CRPPA: variants seen among roughly 807,000 people sequenced by gnomAD.
The protein encoded by CRPPA is D-ribitol-5-phosphate cytidylyltransferase.
CRPPA carries 43 observed loss-of-function variants against 52.0 expected under a neutral mutation model. The observed-to-expected ratio is 0.83, with a 90% confidence interval of 0.65 to 1.07. The LOEUF (loss-of-function observed/expected upper bound fraction) is 1.07. Among genes scored for constraint, CRPPA ranks in the 50% least tolerant of loss-of-function variants. The pLI, the probability that CRPPA is intolerant of heterozygous loss-of-function variation, is 0.00. For missense variants in CRPPA, 629 were observed against 551.7 expected (o/e 1.14, Z -1.40); for synonymous variants, 250 against 203.5 (o/e 1.23, Z -1.94).
At chr7:16,166,819 C>T (rs1781075714) in intron 9 of CRPPA, among the ~76,000 whole-genome samples, 2 of 152,098 alleles carry the variant, frequency 1.3e-5, no homozygotes, top group African/African-American at 4.8e-5. Context: ...CTTCTGCCTA[C>T]CCCTTCACCC....
chr7:16,258,337 G>A, intron 8 of CRPPA, 53 bp downstream of exon 8: 1 of 1,122,424 alleles, frequency 8.9e-7, no homozygotes, highest in Non-Finnish European at 1.3e-6. Flanking sequence ...TGTACATTGA[G>A]TTACAAAGAA....
At chr7:16,336,572 A>AG (rs1306368342) in intron 3 of CRPPA, among the ~76,000 whole-genome samples, 3 of 138,694 alleles carry the variant, frequency 2.2e-5, no homozygotes, top group African/African-American at 8.0e-5. Context: ...AAAAAAAAAA[A>AG]GGAAAGAAGG....
intron 8 of CRPPA, among the ~76,000 whole-genome samples, chr7:16,242,100 A>T (rs901825973): frequency 2.0e-5 from 3 of 150,652 alleles, no homozygotes; most frequent in Non-Finnish European, 3.0e-5. Context: ...AACTACAGGC[A>T]CCCGCCACCA....
intron 9 of CRPPA, among the ~76,000 whole-genome samples, chr7:16,150,963 T>A (rs955208276): frequency 6.6e-6 from 1 of 152,194 alleles, no homozygotes; most frequent in Non-Finnish European, 1.5e-5. Flanking sequence ...TAATCACCTA[T>A]CATTAGGCTC....
At chr7:16,311,220 G>T (rs2214624) in intron 3 of CRPPA, among the ~76,000 whole-genome samples, 63,108 of 151,476 alleles carry the variant, frequency 0.42, 13,419 homozygotes, top group East Asian at 0.49. Flanking sequence ...TACGACCCAT[G>T]CATTGTATTA....
intron 9 of CRPPA, among the ~76,000 whole-genome samples, chr7:16,100,725 G>C (rs1782027386): frequency 6.6e-6 from 1 of 152,126 alleles, no homozygotes; most frequent in African/African-American, 2.4e-5. Context: ...TCCTTGTCTT[G>C]TGCCAGTTTT....
At chr7:16,175,404 AAAAT>A (rs531074707) in intron 9 of CRPPA, among the ~76,000 whole-genome samples, 38 of 152,268 alleles carry the variant, frequency 2.5e-4, no homozygotes, top group African/African-American at 9.1e-4. Context: ...ACTTGTTTTT[AAAAT>A]AAATAATCTT....
chr7:16,397,593 T>A (rs1169455790), intron 2 of CRPPA, among the ~76,000 whole-genome samples: 1 of 151,218 alleles, frequency 6.6e-6, no homozygotes, highest in Non-Finnish European at 1.5e-5. Flanking sequence ...ACGTGACAGA[T>A]TACTGACGTG....
intron 3 of CRPPA, among the ~76,000 whole-genome samples, chr7:16,335,856 T>A (rs1452311906): frequency 2.0e-5 from 3 of 152,114 alleles, no homozygotes; most frequent in Non-Finnish European, 4.4e-5. Context: ...AGAAACAATA[T>A]TCAAAGCAGT....
chr7:16,155,389 G>C (rs1783158483), intron 9 of CRPPA, among the ~76,000 whole-genome samples: 1 of 152,098 alleles, frequency 6.6e-6, no homozygotes, highest in Non-Finnish European at 1.5e-5. Flanking sequence ...TTAATTCATG[G>C]ACAACATAAG....
chr7:16,230,253 G>C (rs576514254), intron 8 of CRPPA, among the ~76,000 whole-genome samples: 51 of 152,200 alleles, frequency 3.4e-4, no homozygotes, highest in Non-Finnish European at 4.9e-4. Context: ...TAATGCCTGT[G>C]ACTCAAAGAT....
At chr7:16,387,545 C>T (rs564933134) in intron 2 of CRPPA, among the ~76,000 whole-genome samples, 1 of 148,734 alleles carries the variant, frequency 6.7e-6, no homozygotes, top group East Asian at 2.0e-4. Flanking sequence ...GATCAAAAGG[C>T]AACAACTGTC....
At chr7:16,270,685 G>C (rs1784070638) in intron 6 of CRPPA, 1 of 152,202 alleles carries the variant, frequency 6.6e-6, no homozygotes, top group East Asian at 1.9e-4. Context: ...CACAGTTAGA[G>C]GCGCAAGAGA....
At chr7:16,322,438 A>T (rs1049470290) in intron 3 of CRPPA, among the ~76,000 whole-genome samples, 5 of 152,190 alleles carry the variant, frequency 3.3e-5, no homozygotes, top group Admixed American at 2.6e-4. Context: ...AACAAATTTG[A>T]AAGGAATTTG....
chr7:16,089,222 G>GTGTGTATGCGTACGTATATACATATA lies in CRPPA; in HGVS notation c.*2447_*2472dup, dbSNP rs1781764135. 2.7e-6 allele frequency: 1 copy of GTGTGTATGCGTACGTATATACATATA among 370,694 alleles called. No individual in the cohort carries two copies. The highest frequency in any genetic ancestry group is 2.1e-5 in the African/African-American group (1 of 47,842). The allele number at this position is 370,694 out of a possible 1,614,324, so 23.0% of individuals were successfully genotyped here. A position where few individuals can be genotyped will look rare whatever the true frequency, so the allele number is the denominator to read the frequency against. On this transcript the variant is annotated 3_prime_UTR_variant, in exon 10 of 10. Transcript: ENST00000407010. Reference sequence around the variant, plus strand: ...TATATACGTACGTATATACATATATGTGTGTATGCGTACGTATATACATAT... The same window carrying GTGTGTATGCGTACGTATATACATATA: ...TATATACGTACGTATATACATATATGTGTGTATGCGTACGTATATACATATATGTGTATGCGTACGTATATACATAT...
At chr7:16,295,222 T>C (rs1413877926) in intron 5 of CRPPA, among the ~76,000 whole-genome samples, 4 of 152,126 alleles carry the variant, frequency 2.6e-5, no homozygotes, top group Admixed American at 1.3e-4. Flanking sequence ...TAAGTACTTA[T>C]TGAAAGAAAT....
chr7:16,369,131 G>C (rs895783266), intron 3 of CRPPA, among the ~76,000 whole-genome samples: 1 of 152,176 alleles, frequency 6.6e-6, no homozygotes, highest in East Asian at 1.9e-4. Context: ...GTTGTAGAAG[G>C]AAGGGCTTTA....
chr7:16,307,616 G>A (rs1784939652), intron 4 of CRPPA, among the ~76,000 whole-genome samples: 1 of 145,404 alleles, frequency 6.9e-6, no homozygotes, highest in Admixed American at 7.1e-5. Flanking sequence ...GGAGGTGGAG[G>A]TTACAATGAG....
At chr7:16,378,630 A>C (rs1277473193) in intron 2 of CRPPA, among the ~76,000 whole-genome samples, 2 of 151,860 alleles carry the variant, frequency 1.3e-5, no homozygotes, top group Admixed American at 6.6e-5. Context: ...ATACCCAGTA[A>C]TGGGATGGCT....
Sources: allele counts gnomAD v4.1 joint callset (sites outside exome capture counted in the v4.1 genomes callset), GRCh38; gene constraint gnomAD v4.1.1; transcripts MANE v1.5; gene names NCBI Gene and HGNC (gene_info 2026-07-23, HGNC 2026-07-21).